The following NSUN3 variants were observed in gnomAD, a reference collection of about 807,000 sequenced individuals.
NSUN3 encodes tRNA (cytosine(34)-C(5))-methyltransferase, mitochondrial.
NSUN3 carries 24 observed loss-of-function variants against 36.8 expected under a neutral mutation model. That is an observed-to-expected ratio of 0.65 (90% CI 0.47 to 0.92). The LOEUF (loss-of-function observed/expected upper bound fraction) is 0.92, where lower values mean the gene tolerates loss of function less well. Among genes scored for constraint, NSUN3 ranks in the 40% least tolerant of loss-of-function variants. The pLI, the probability that NSUN3 is intolerant of heterozygous loss-of-function variation, is 0.00. For synonymous variants in NSUN3, 146 were observed against 145.2 expected (o/e 1.01, Z -0.04); for missense variants, 381 against 392.8 (o/e 0.97, Z 0.25).
chr3:94,095,430 C>T (rs2077333810), intron 5 of NSUN3, among the ~76,000 whole-genome samples: 1 of 152,184 alleles, frequency 6.6e-6, no homozygotes, highest in East Asian at 1.9e-4. Flanking sequence ...GTTGTTTGCT[C>T]ACTGGGACCC....
intron 5 of NSUN3, among the ~76,000 whole-genome samples, chr3:94,100,888 A>G (rs1218129290): frequency 2.0e-5 from 3 of 152,170 alleles, no homozygotes; most frequent in Non-Finnish European, 4.4e-5. Context: ...AGTGTCCTAT[A>G]ACCATATACT....
chr3:94,093,343 A>ATATG lies in NSUN3; in HGVS notation c.467-781_467-778dup, dbSNP rs530296212. 4.7e-5 allele frequency among the ~76,000 whole-genome samples: 7 copies of ATATG among 148,886 alleles called. No individual in the cohort carries two copies. The South Asian group carries it at 1.5e-3, about 32-fold the overall frequency. On this transcript the variant is annotated intron_variant, in intron 3 of 5. Coordinates refer to ENST00000314622, the MANE Select transcript of NSUN3 (RefSeq NM_022072.5). Reference sequence around the variant, plus strand: ...CATACATATACATATATGTATGTGTATATGTATGTATGTATGTATTTGAGC... The same window carrying ATATG: ...CATACATATACATATATGTATGTGTATATGTATGTATGTATGTATGTATTTGAGC...
intron 5 of NSUN3, among the ~76,000 whole-genome samples, chr3:94,108,385 G>A (rs1311296162): frequency 6.6e-6 from 1 of 152,062 alleles, no homozygotes; most frequent in Non-Finnish European, 1.5e-5. Context: ...ATTTTGAGAC[G>A]GAGTCTTGCT....
intron 5 of NSUN3, among the ~76,000 whole-genome samples, chr3:94,112,564 T>C (rs1295875641): frequency 6.6e-6 from 1 of 152,246 alleles, no homozygotes; most frequent in African/African-American, 2.4e-5. Context: ...CCAGGCCTAA[T>C]CTTCAACCTC....
chr3:94,130,026 T>G lies in NSUN3; in HGVS notation c.*3536T>G, dbSNP rs1479992257. 6.6e-6 allele frequency among the ~76,000 whole-genome samples: 1 copy of G among 152,154 alleles called. No individual in the cohort carries two copies. The highest frequency in any genetic ancestry group is 1.5e-5 in the Non-Finnish European group (1 of 68,030). ...GCCTCAGCCTCCCAAAGTGCTGGGA[T>G]TACAGGCGTGAGCCACCACACCCAC... On this transcript the variant is annotated 3_prime_UTR_variant, in exon 6 of 6. Coordinates refer to ENST00000314622, the MANE Select transcript of NSUN3 (RefSeq NM_022072.5).
intron 5 of NSUN3, among the ~76,000 whole-genome samples, chr3:94,122,376 T>G (rs2077467262): frequency 6.6e-6 from 1 of 152,222 alleles, no homozygotes; most frequent in East Asian, 1.9e-4. Flanking sequence ...TGATTTTGGT[T>G]CCTAATTCAT....
intron 5 of NSUN3, 103 bp from the exon 6 acceptor site, chr3:94,126,108 T>C: frequency 1.1e-6 from 1 of 911,122 alleles, no homozygotes; most frequent in East Asian, 2.7e-5. Context: ...GCAGTCTAAG[T>C]CAGAGTAAGG....
chr3:94,092,691 G>C (rs939646276), intron 3 of NSUN3, among the ~76,000 whole-genome samples: 3 of 151,946 alleles, frequency 2.0e-5, no homozygotes, highest in Non-Finnish European at 4.4e-5. Flanking sequence ...GTCACCTGAG[G>C]TCAGGAGTTC....
At chr3:94,063,230 A>T (rs2077188610) in intron 1 of NSUN3, 92 bp downstream of exon 1, 2 of 1,264,670 alleles carry the variant, frequency 1.6e-6, no homozygotes, top group Non-Finnish European at 2.3e-6. Context: ...GGATGGGGGA[A>T]CATCACCTTT....
intron 2 of NSUN3, among the ~76,000 whole-genome samples, 172 bp from the exon 3 acceptor site, chr3:94,083,935 C>T (rs1259858397): frequency 6.6e-6 from 1 of 152,068 alleles, no homozygotes; most frequent in African/African-American, 2.4e-5. Context: ...GGATTCAGTC[C>T]TGTCAGAGGC....
intron 5 of NSUN3, among the ~76,000 whole-genome samples, chr3:94,096,868 C>G (rs535748661): frequency 6.6e-6 from 1 of 152,082 alleles, no homozygotes; most frequent in Non-Finnish European, 1.5e-5. Flanking sequence ...TAACAGATAC[C>G]AAATCTTGTG....
chr3:94,122,718 T>C (rs1156968461), intron 5 of NSUN3, among the ~76,000 whole-genome samples: 2 of 152,198 alleles, frequency 1.3e-5, no homozygotes, highest in African/African-American at 4.8e-5. Context: ...TCTTTTGCCT[T>C]TTATTTTTAT....
At chr3:94,108,320 C>T (rs1054192470) in intron 5 of NSUN3, among the ~76,000 whole-genome samples, 1 of 152,144 alleles carries the variant, frequency 6.6e-6, no homozygotes, top group African/African-American at 2.4e-5. Flanking sequence ...CTCTTCCTGA[C>T]CTGCCTCTTA....
chr3:94,100,699 A>G (rs1359652993), intron 5 of NSUN3, among the ~76,000 whole-genome samples: 1 of 152,234 alleles, frequency 6.6e-6, no homozygotes, highest in African/African-American at 2.4e-5. Context: ...TCTACAATGT[A>G]TACATAGACC....
rs2077487080 is a variant in NSUN3, at chr3:94,126,517, G to C, written c.*27G>C. On this transcript the variant is annotated 3_prime_UTR_variant, in exon 6 of 6. Transcript: ENST00000314622. ...ATGAATTTGTAAACTGTGTTTATGT[G>C]TTATTATATTTATATTTCTGAACTC... The C allele has an allele frequency of 6.4e-7, 1 of 1,573,918 alleles. No homozygotes were observed. Among genetic ancestry groups the C allele is most frequent in the African/African-American group, 1.4e-5 (1 of 73,182 alleles).
At chr3:94,077,604 C>G (rs1357994610) in intron 2 of NSUN3, among the ~76,000 whole-genome samples, 1 of 152,098 alleles carries the variant, frequency 6.6e-6, no homozygotes, top group Non-Finnish European at 1.5e-5. Flanking sequence ...TAATTACTGC[C>G]TCAATTTCAG....
At chr3:94,121,891 T>A (rs2077463915) in intron 5 of NSUN3, among the ~76,000 whole-genome samples, 1 of 152,156 alleles carries the variant, frequency 6.6e-6, no homozygotes, top group African/African-American at 2.4e-5. Context: ...ATGCCTGTAG[T>A]CCCAGCACTT....
intron 5 of NSUN3, 110 bp from the exon 6 acceptor site, chr3:94,126,101 G>T: frequency 1.2e-6 from 1 of 847,058 alleles, no homozygotes; most frequent in Non-Finnish European, 1.8e-6. Context: ...AGTAATTGCA[G>T]TCTAAGTCAG....
chr3:94,121,238 C>A (rs1323045056), intron 5 of NSUN3, among the ~76,000 whole-genome samples: 1 of 152,134 alleles, frequency 6.6e-6, no homozygotes, highest in Non-Finnish European at 1.5e-5. Context: ...TTACCTTTTC[C>A]AGCCTTCAGA....
Sources: gnomAD v4.1 joint callset for allele counts (sites outside exome capture counted in the v4.1 genomes callset) on GRCh38, gnomAD v4.1.1 for gene constraint, MANE v1.5 for transcripts, NCBI Gene and HGNC (gene_info 2026-07-23, HGNC 2026-07-21) for gene names.